ZNF143: variants seen among roughly 807,000 people sequenced by gnomAD.
ZNF143 encodes SPH-binding factor.
Under a neutral mutation model 74.1 loss-of-function variants are expected in ZNF143, and 49 were observed. That is an observed-to-expected ratio of 0.66 (90% CI 0.53 to 0.84). The LOEUF is 0.84. ZNF143 is among the 40% of genes least tolerant of loss of function. ZNF143 has a pLI of 0.00. For synonymous variants in ZNF143, 304 were observed against 282.8 expected (o/e 1.07, Z -0.75); for missense variants, 637 against 793.4 (o/e 0.80, Z 2.37).
chr11:9,523,560 C>T (rs942880884), intron 14 of ZNF143, among the ~76,000 whole-genome samples: 20 of 150,712 alleles, frequency 1.3e-4, no homozygotes, highest in Admixed American at 4.6e-4. Flanking sequence ...GGTGAAACCC[C>T]GTGTCTACTA....
intron 11 of ZNF143, among the ~76,000 whole-genome samples, chr11:9,505,986 CT>C (rs575400438): frequency 9.6e-4 from 145 of 151,516 alleles, no homozygotes; most frequent in Middle Eastern, 3.4e-3. Context: ...ATGGCTGGGG[CT>C]TTTTGGATGG....
chr11:9,506,808 T>C (rs1848380246), intron 11 of ZNF143, among the ~76,000 whole-genome samples: 1 of 152,174 alleles, frequency 6.6e-6, no homozygotes, highest in South Asian at 2.1e-4. Context: ...CTTTTTTCTT[T>C]TCTTTTTCTT....
intron 7 of ZNF143, among the ~76,000 whole-genome samples, chr11:9,480,114 G>C (rs533160071): frequency 1.4e-4 from 21 of 152,250 alleles, no homozygotes; most frequent in South Asian, 6.2e-4. Context: ...TGTTCACCCT[G>C]GGTCCAGTCA....
At position 9,472,627 on chromosome 11, in the gene ZNF143, C is replaced by T. The variant is rs567798090; in HGVS notation, c.113-50C>T. 9.2e-5 allele frequency: 134 copies of T among 1,457,430 alleles called. 1 individual carries two copies. The highest frequency in any genetic ancestry group is 1.3e-4 in the Non-Finnish European group (133 of 1,052,900). The allele number at this position is 1,457,430 out of a possible 1,614,324, so 90.3% of individuals were successfully genotyped here. A position where few individuals can be genotyped will look rare whatever the true frequency, so the allele number is the denominator to read the frequency against. ...TTTATTTGAAAAAAAAATTAATCAG[C>T]ATGTCCATATGCTAGCTGTCTAAAG... On this transcript the variant is annotated intron_variant, in intron 2 of 15. Coordinates refer to ENST00000396602, the MANE Select transcript of ZNF143 (RefSeq NM_003442.6).
In ZNF143 at chr11:9,494,695, G is replaced by A. The variant is rs747339180; in HGVS notation, c.695G>A (p.Ser232Asn). 1 of 1,613,856 alleles carries A rather than the reference G, an allele frequency of 6.2e-7. No individual in the cohort carries two copies. Among genetic ancestry groups the A allele is most frequent in the Non-Finnish European group, 8.5e-7 (1 of 1,179,730 alleles). The part of the protein sequence containing the change: ...ATRVTAKSQQ[S>N]GEKAFRCEYD... ...AGAGTAACTGCTAAATCTCAACAGA[G>A]TGGAGAGAAGGCATTTCGATGTGAA... The change falls in exon 8 of 16, where the codon AGT (serine) becomes AAT (asparagine). Residue 232 changes from serine (S) to asparagine (N), a missense_variant. Ser to Asn is a conservative substitution (Grantham distance 46). Around this residue, in one of 2 missense-constraint regions of ZNF143, gnomAD observed 293 missense variants for 307.8 expected, o/e 0.95. Transcript: ENST00000396602.
chr11:9,511,303 G>T (rs1348265323), intron 12 of ZNF143, among the ~76,000 whole-genome samples: 1 of 148,174 alleles, frequency 6.7e-6, no homozygotes, highest in Admixed American at 6.7e-5. Flanking sequence ...TTGTTTGTTT[G>T]TTTTTGTTAT....
rs755738508 is a variant in ZNF143 at position 9,478,425 on chromosome 11, C to T, written c.409C>T (p.Leu137=). 3.1e-6 allele frequency: 5 copies of T among 1,614,010 alleles called. No homozygotes were observed. The African/African-American group carries it at 4.0e-5, about 13-fold the overall frequency. ...CCAGAGTGCATTACAGGCGGTTCAG[C>T]TGGAAGATGGTACCACAGCTTATAT... ...YDQSALQAVQ[L]EDGTTAYIHH... The change falls in exon 6 of 16, where the codon CTG becomes TTG. Residue 137 remains leucine, a synonymous_variant. Coordinates refer to ENST00000396602, the MANE Select transcript of ZNF143 (RefSeq NM_003442.6).
chr11:9,500,408 T>A (rs1477730918), intron 10 of ZNF143, among the ~76,000 whole-genome samples: 1 of 152,170 alleles, frequency 6.6e-6, no homozygotes, highest in East Asian at 1.9e-4. Context: ...ATATTAGGCA[T>A]TATCTTGTTG....
chr11:9,464,111 T>C (rs183295909), intron 1 of ZNF143, among the ~76,000 whole-genome samples: 2 of 151,722 alleles, frequency 1.3e-5, no homozygotes, highest in African/African-American at 4.8e-5. Flanking sequence ...TGTGTGTGTG[T>C]GTGTATTTGT....
At chr11:9,487,290 C>G (rs1187522403) in intron 7 of ZNF143, among the ~76,000 whole-genome samples, 1 of 151,498 alleles carries the variant, frequency 6.6e-6, no homozygotes, top group Non-Finnish European at 1.5e-5. Context: ...TATAGACAGG[C>G]AGATAGGCCC....
intron 1 of ZNF143, among the ~76,000 whole-genome samples, chr11:9,462,593 C>T (rs1855932972): frequency 6.6e-6 from 1 of 151,648 alleles, no homozygotes; most frequent in Non-Finnish European, 1.5e-5. Flanking sequence ...TGAATTTTAG[C>T]CTGGGTGTGG....
chr11:9,487,135 T>A (rs1439854410), intron 7 of ZNF143, among the ~76,000 whole-genome samples: 1 of 150,414 alleles, frequency 6.6e-6, no homozygotes, highest in Non-Finnish European at 1.5e-5. Context: ...CCTGGCTAAT[T>A]TTTGTATTTT....
In ZNF143 at chr11:9,471,493, C is replaced by T. The variant is rs1590504600; in HGVS notation, c.112+73C>T. ...TAAAAGAAAAAAAATTTACAACTTC[C>T]TAGTTCCTGATTTAGCAGAAAACAA... On this transcript the variant is annotated intron_variant, in intron 2 of 15. Coordinates refer to ENST00000396602, the MANE Select transcript of ZNF143 (RefSeq NM_003442.6). 1.3e-5 allele frequency: 14 copies of T among 1,108,448 alleles called. No homozygotes were observed. In the East Asian group the frequency reaches 3.5e-4, roughly 27 times the overall value. The allele number at this position is 1,108,448 out of a possible 1,614,324, so 68.7% of individuals were successfully genotyped here.
At chr11:9,526,460 G>GT (rs1254542037) in intron 15 of ZNF143, among the ~76,000 whole-genome samples, 3 of 152,162 alleles carry the variant, frequency 2.0e-5, no homozygotes, top group Admixed American at 2.0e-4. Context: ...TTGATAAAGA[G>GT]TTAGAACACA....
At position 9,461,146 on chromosome 11, in the gene ZNF143, G is replaced by C. The variant is rs2290422; in HGVS notation, c.-8+70G>C. ...CCTGGCCGCCGCCCTCAGCGCGGCG[G>C]CGCGGGCCCGCTTGGGCCCGGGCTC... On this transcript the variant is annotated intron_variant, in intron 1 of 15. Coordinates refer to ENST00000396602, the MANE Select transcript of ZNF143 (RefSeq NM_003442.6). 903 of 953,148 alleles carry C rather than the reference G, an allele frequency of 9.5e-4. 23 individuals are homozygous for C. The East Asian group carries it at 0.061, about 64-fold the overall frequency. 59.0% of individuals were successfully genotyped at this position (953,148 alleles called of 1,614,324 possible).
In ZNF143 at chr11:9,528,246, T is replaced by G. The variant is rs1014359586; in HGVS notation, c.*633T>G. ...GAATTATGTACAAAATTATAAAATT[T>G]GGTTATTTAAAATTAAAAAGTTAAA... On this transcript the variant is annotated 3_prime_UTR_variant, in exon 16 of 16. Transcript: ENST00000396602. 1 of 152,314 alleles carries G rather than the reference T, an allele frequency of 6.6e-6. No individual in the cohort carries two copies. Among genetic ancestry groups the G allele is most frequent in the African/African-American group, 2.4e-5 (1 of 41,476 alleles). 9.4% of individuals were successfully genotyped at this position (152,314 alleles called of 1,614,324 possible). A position where few individuals can be genotyped will look rare whatever the true frequency, so the allele number is the denominator to read the frequency against.
intron 5 of ZNF143, among the ~76,000 whole-genome samples, chr11:9,476,404 C>T (rs974774327): frequency 1.3e-5 from 2 of 152,156 alleles, no homozygotes; most frequent in South Asian, 2.1e-4. Context: ...GAGACAGTCT[C>T]GCTCTGTTGC....
intron 15 of ZNF143, 95 bp downstream of exon 15, chr11:9,525,481 G>A (rs777482997): frequency 2.7e-6 from 4 of 1,504,198 alleles, no homozygotes; most frequent in Non-Finnish European, 3.7e-6. Context: ...TTTACAGGAG[G>A]CAAGGTGTAG....
chr11:9,467,767 T>C (rs544534787), intron 1 of ZNF143, among the ~76,000 whole-genome samples: 2 of 150,924 alleles, frequency 1.3e-5, no homozygotes, highest in Admixed American at 6.7e-5. Context: ...CTGCTTGAAC[T>C]TGGGAGGTGG....
Sources: allele counts gnomAD v4.1 joint callset (sites outside exome capture counted in the v4.1 genomes callset), GRCh38; gene constraint gnomAD v4.1.1; regional missense constraint gnomAD v4.1.1; transcripts MANE v1.5; gene names NCBI Gene and HGNC (gene_info 2026-07-23, HGNC 2026-07-21).